LRFN5: variants seen among roughly 807,000 people sequenced by gnomAD.
LRFN5 encodes the protein leucine rich repeat and fibronectin type III domain containing 5, also known as leucine-rich repeat and fibronectin type-III domain-containing protein 5.
LRFN5 carries 24 observed loss-of-function variants against 45.6 expected under a neutral mutation model. The ratio of observed to expected loss-of-function variants is 0.53; its 90% CI spans 0.38 to 0.74. The LOEUF is 0.74. LRFN5 is among the 30% of genes least tolerant of loss of function. LRFN5 has a pLI of 0.00. For missense variants in LRFN5, 776 were observed against 861.5 expected, an observed-to-expected ratio of 0.90 and a Z score of 1.24; for synonymous variants, 340 against 313.8, an observed-to-expected ratio of 1.08 and a Z score of -0.88.
At chr14:41,890,069 G>A (rs909395823) in intron 3 of LRFN5, among the ~76,000 whole-genome samples, 1 of 151,960 alleles carries the variant, frequency 6.6e-6, no homozygotes, top group African/African-American at 2.4e-5. Context: ...TCACCGTATC[G>A]GTCAGGCTGG....
intron 1 of LRFN5, among the ~76,000 whole-genome samples, chr14:41,666,309 A>G (rs1223450272): frequency 6.6e-6 from 1 of 152,088 alleles, no homozygotes; most frequent in Non-Finnish European, 1.5e-5. Context: ...CAATTAAAAA[A>G]AATCTCAAAA....
At chr14:41,818,797 T>C (rs1041337747) in intron 2 of LRFN5, among the ~76,000 whole-genome samples, 2 of 152,266 alleles carry the variant, frequency 1.3e-5, no homozygotes, top group Middle Eastern at 3.4e-3. Flanking sequence ...ATGGATATAT[T>C]GCAAAGTGGT....
At chr14:41,777,901 A>C (rs1348729497) in intron 2 of LRFN5, among the ~76,000 whole-genome samples, 3 of 151,318 alleles carry the variant, frequency 2.0e-5, no homozygotes, top group African/African-American at 4.8e-5. Flanking sequence ...AACTAACCAA[A>C]CCTTAATCCT....
chr14:41,740,815 T>C (rs779214782), intron 1 of LRFN5, among the ~76,000 whole-genome samples: 8 of 152,000 alleles, frequency 5.3e-5, no homozygotes, highest in Non-Finnish European at 1.2e-4. Context: ...TGATTTTTAT[T>C]GTAGAAAACC....
At chr14:41,808,839 G>A (rs1003617778) in intron 2 of LRFN5, among the ~76,000 whole-genome samples, 3 of 151,986 alleles carry the variant, frequency 2.0e-5, no homozygotes, top group African/African-American at 7.2e-5. Context: ...TGCTTATTAG[G>A]TCAGGAAGAA....
chr14:41,888,131 T>A (rs1890646313), intron 3 of LRFN5, 121 bp downstream of exon 3: 2 of 758,332 alleles, frequency 2.6e-6, no homozygotes, highest in South Asian at 2.0e-5. Flanking sequence ...TATTTTAAAG[T>A]GCATAGTGTA....
At chr14:41,851,555 A>G (rs1889267887) in intron 2 of LRFN5, among the ~76,000 whole-genome samples, 1 of 151,834 alleles carries the variant, frequency 6.6e-6, no homozygotes, top group African/African-American at 2.4e-5. Context: ...ACTTTTTTAC[A>G]TAAATTAATT....
intron 2 of LRFN5, among the ~76,000 whole-genome samples, chr14:41,796,120 C>T (rs1887120639): frequency 6.6e-6 from 1 of 151,726 alleles, no homozygotes; most frequent in African/African-American, 2.4e-5. Flanking sequence ...TAAATTTAAA[C>T]ACAAAATGTT....
At chr14:41,772,800 C>T (rs775566233) in intron 2 of LRFN5, among the ~76,000 whole-genome samples, 2 of 152,100 alleles carry the variant, frequency 1.3e-5, no homozygotes, top group Non-Finnish European at 2.9e-5. Context: ...ATCATTTTGT[C>T]ATCTTTCTCA....
chr14:41,778,033 G>T (rs1334639516), intron 2 of LRFN5, among the ~76,000 whole-genome samples: 7 of 149,510 alleles, frequency 4.7e-5, no homozygotes, highest in Non-Finnish European at 1.0e-4. Context: ...ATTGAGAGGG[G>T]AAGATTATAC....
intron 5 of LRFN5, among the ~76,000 whole-genome samples, chr14:41,901,973 A>G (rs985214674): frequency 2.6e-5 from 4 of 152,008 alleles, no homozygotes; most frequent in Non-Finnish European, 1.5e-5. Flanking sequence ...CATTATAACA[A>G]ATTTTAAAAA....
chr14:41,676,144 A>G (rs997546000), intron 1 of LRFN5, among the ~76,000 whole-genome samples: 2 of 152,180 alleles, frequency 1.3e-5, no homozygotes, highest in Admixed American at 1.3e-4. Flanking sequence ...ATATTTCAGC[A>G]AATGCCCCTT....
At chr14:41,897,108 A>C (rs1218614106) in intron 4 of LRFN5, among the ~76,000 whole-genome samples, 1 of 150,422 alleles carries the variant, frequency 6.6e-6, no homozygotes, top group Non-Finnish European at 1.5e-5. Context: ...AAATAAATAA[A>C]TAAATAAATA....
intron 2 of LRFN5, among the ~76,000 whole-genome samples, chr14:41,859,011 C>T (rs767299558): frequency 2.6e-5 from 4 of 152,140 alleles, no homozygotes; most frequent in Admixed American, 2.0e-4. Flanking sequence ...CAGGATAATA[C>T]ACAGTAGTGT....
At chr14:41,618,631 C>T (rs2010155) in intron 1 of LRFN5, among the ~76,000 whole-genome samples, 19,523 of 152,102 alleles carry the variant, frequency 0.13, 1,695 homozygotes, top group East Asian at 0.44. Flanking sequence ...GCCCAAATTG[C>T]TGACCCATAA....
intron 1 of LRFN5, among the ~76,000 whole-genome samples, chr14:41,757,519 A>G (rs1048265535): frequency 2.6e-5 from 4 of 152,160 alleles, no homozygotes; most frequent in Non-Finnish European, 4.4e-5. Flanking sequence ...CTGTGCTAGC[A>G]ATGAGTGAGG....
chr14:41,778,082 T>C (rs1386115096), intron 2 of LRFN5, among the ~76,000 whole-genome samples: 1 of 151,434 alleles, frequency 6.6e-6, no homozygotes, highest in Non-Finnish European at 1.5e-5. Context: ...TTAATAGTAT[T>C]TTTTCCAGGC....
At chr14:41,854,888 C>T (rs1889399283) in intron 2 of LRFN5, among the ~76,000 whole-genome samples, 2 of 152,138 alleles carry the variant, frequency 1.3e-5, no homozygotes, top group Admixed American at 1.3e-4. Context: ...AAAACAAAAG[C>T]TTCATAAATA....
intron 1 of LRFN5, among the ~76,000 whole-genome samples, chr14:41,763,566 T>C (rs1478823706): frequency 6.6e-6 from 1 of 152,108 alleles, no homozygotes; most frequent in African/African-American, 2.4e-5. Context: ...TGTCGTGTCG[T>C]GGGAGGGACA....
Sources: gnomAD v4.1 joint callset for allele counts (sites outside exome capture counted in the v4.1 genomes callset) on GRCh38, gnomAD v4.1.1 for gene constraint, MANE v1.5 for transcripts, NCBI Gene and HGNC (gene_info 2026-07-23, HGNC 2026-07-21) for gene names.